CEBPZ: variants seen among roughly 807,000 people sequenced by gnomAD.
CEBPZ encodes the protein CCAAT/enhancer-binding protein zeta.
A neutral mutation model predicts 104.5 loss-of-function variants in CEBPZ; 78 were observed. The ratio of observed to expected loss-of-function variants is 0.75; its 90% CI spans 0.62 to 0.90. CEBPZ has a LOEUF of 0.90. Among genes scored for constraint, CEBPZ ranks in the 40% least tolerant of loss-of-function variants. The pLI, the probability that CEBPZ is intolerant of heterozygous loss-of-function variation, is 0.00. For missense variants in CEBPZ, 1,439 were observed against 1,233.5 expected (o/e 1.17, Z -2.50); for synonymous variants, 470 against 427.0 (o/e 1.10, Z -1.24).
At position 37,211,949 on chromosome 2, in the gene CEBPZ, G is replaced by A. The variant is rs375786270; in HGVS notation, c.2694C>T (p.Asp898=). The change falls in exon 12 of 16, where the codon GAC becomes GAT. Residue 898 remains aspartate, a synonymous_variant. Transcript: ENST00000234170. The stretch of plus-strand genomic sequence containing the variant: ...CCATACTTCCTAAAGAAACTTCATC[G>A]TCATCCAGGTTACCAAGTTCATCAT... The part of the protein sequence containing the change: ...GSDDELGNLD[D]DEVSLGSMDD... 64 of 1,613,402 alleles carry A rather than the reference G, an allele frequency of 4.0e-5. No homozygotes were observed. In the East Asian group the frequency reaches 5.1e-4, roughly 13 times the overall value.
intron 5 of CEBPZ, among the ~76,000 whole-genome samples, chr2:37,218,865 G>A (rs996064563): frequency 3.9e-5 from 6 of 152,012 alleles, no homozygotes; most frequent in South Asian, 2.1e-4. Context: ...GAACCTTCTC[G>A]TTTCAAAAAA....
In CEBPZ at chr2:37,231,549, G is replaced by T. The variant is rs751277275; in HGVS notation, c.19C>A (p.Pro7Thr). The change falls in exon 1 of 16, where the codon CCT becomes ACT. Residue 7 changes from proline to threonine, a missense_variant. Pro to Thr is a conservative substitution (Grantham distance 38). Coordinates refer to ENST00000234170, the MANE Select transcript of CEBPZ (RefSeq NM_005760.3). Reference protein sequence around the residue: MAAVKEPLEFHAKRPWR... With the variant: MAAVKETLEFHAKRPWR... ...GGCCGCTTGGCATGGAACTCCAAAG[G>T]CTCCTTGACTGCGGCCATGGCGGGC... 2 of 1,614,212 alleles carry T rather than the reference G, an allele frequency of 1.2e-6. No homozygotes were observed. Among genetic ancestry groups the T allele is most frequent in the East Asian group, 2.2e-5 (1 of 44,888 alleles).
In CEBPZ at chr2:37,211,272, C is replaced by G. The variant is rs139504436; in HGVS notation, c.2801-190G>C. ...AAAGACTCTAAGAATTGGCACAGTT[C>G]TAATATTTTGTGCAAGTACAAAATT... On this transcript the variant is annotated intron_variant, in intron 12 of 15. Transcript: ENST00000234170. 1.5e-3 allele frequency: 614 copies of G among 406,746 alleles called. 7 individuals carry two copies. In the East Asian group the frequency reaches 0.021, roughly 14 times the overall value. The allele number at this position is 406,746 out of a possible 1,614,324, so 25.2% of individuals were successfully genotyped here.
In CEBPZ at chr2:37,216,198, ATC is replaced by A. The variant is rs1171755202; in HGVS notation, c.2320_2321del (p.Asp774Ter). 1 of 1,612,360 alleles carries A rather than the reference ATC, an allele frequency of 6.2e-7. No individual in the cohort carries two copies. The highest frequency in any genetic ancestry group is 8.5e-7 in the Non-Finnish European group (1 of 1,179,130). Reference protein sequence around the residue: ...PKPHKGKENTDSVVMQPKRKH... With the variant: ...PKPHKGKENTXSVVMQPKRKH... The stretch of plus-strand genomic sequence containing the variant: ...TTCTTTTCGGCTGCATCACAACACT[ATC>A]TGTGTTTTCTGAAATGTAAAATTAT... On this transcript the variant is annotated frameshift_variant, in exon 8 of 16. Coordinates refer to ENST00000234170, the MANE Select transcript of CEBPZ (RefSeq NM_005760.3). LOFTEE classifies it high-confidence loss of function.
At position 37,228,501 on chromosome 2, in the gene CEBPZ, G is replaced by A; in HGVS notation, c.692C>T (p.Ser231Phe). ...CACAATTGCCTTCATCCAGGTAGAA[G>A]AGGCTCCCTTTTGACTATTCGTCTT... ...KSKTNSQKGA[S>F]STWMKAIVSS... is the part of the protein sequence containing the mutation. The change falls in exon 2 of 16, where the codon TCT becomes TTT. Residue 231 changes from serine (S) to phenylalanine (F), a missense_variant. Transcript: ENST00000234170. 6.2e-7 allele frequency: 1 copy of A among 1,614,202 alleles called. No homozygotes were observed. Among genetic ancestry groups the A allele is most frequent in the Non-Finnish European group, 8.5e-7 (1 of 1,180,038 alleles).
At chr2:37,218,889 A>G (rs1313593418) in intron 5 of CEBPZ, among the ~76,000 whole-genome samples, 1 of 152,180 alleles carries the variant, frequency 6.6e-6, no homozygotes, top group Non-Finnish European at 1.5e-5. Flanking sequence ...AATTTGTAAC[A>G]TTGTGCATTG....
At chr2:37,204,802 TA>T (rs1397243889) in intron 13 of CEBPZ, 1 of 152,256 alleles carries the variant, frequency 6.6e-6, no homozygotes, top group African/African-American at 2.4e-5. Context: ...CATCCAAAAC[TA>T]TTATCAATTG....
chr2:37,221,206 C>T (rs1323298137), intron 4 of CEBPZ, among the ~76,000 whole-genome samples: 1 of 149,380 alleles, frequency 6.7e-6, no homozygotes, highest in Non-Finnish European at 1.5e-5. Flanking sequence ...GTCCCGGCTA[C>T]CTGGGAGGCT....
intron 5 of CEBPZ, among the ~76,000 whole-genome samples, chr2:37,219,468 G>A (rs1164713031): frequency 6.6e-6 from 1 of 151,766 alleles, no homozygotes; most frequent in Non-Finnish European, 1.5e-5. Flanking sequence ...GCAGCTTGGT[G>A]CTGTCTTTAT....
chr2:37,216,121 G>A lies in CEBPZ; in HGVS notation c.2380+19C>T, dbSNP rs1310053781. Reference sequence around the variant, plus strand: ...TTATATTGTCTTTTCAGTTTCAACTGTCTAAGGTTTATACTTACCAGGAAG... The same window carrying A: ...TTATATTGTCTTTTCAGTTTCAACTATCTAAGGTTTATACTTACCAGGAAG... On this transcript the variant is annotated intron_variant, in intron 8 of 15. Coordinates refer to ENST00000234170, the MANE Select transcript of CEBPZ (RefSeq NM_005760.3). The A allele has an allele frequency of 6.3e-7, 1 of 1,577,226 alleles. No individual in the cohort carries two copies. Among genetic ancestry groups the A allele is most frequent in the Middle Eastern group, 2.1e-4 (1 of 4,678 alleles).
At chr2:37,202,678 A>AAAGAAT in intron 15 of CEBPZ, 106 bp downstream of exon 15, 1 of 205,274 alleles carries the variant, frequency 4.9e-6, no homozygotes. Flanking sequence ...AAAAAAAAAA[A>AAAGAAT]AAAAAAAAAA....
At chr2:37,212,204 A>C in intron 11 of CEBPZ, 131 bp downstream of exon 11, 1 of 982,954 alleles carries the variant, frequency 1.0e-6, no homozygotes, top group South Asian at 1.5e-5. Flanking sequence ...AGATGAAAGT[A>C]CTGTATCCAC....
At position 37,217,030 on chromosome 2, in the gene CEBPZ, A is replaced by G. The variant is rs373068216; in HGVS notation, c.2162T>C (p.Val721Ala). The G allele has an allele frequency of 2.5e-6, 4 of 1,612,192 alleles. No individual in the cohort carries two copies. The highest frequency in any genetic ancestry group is 1.6e-4 in the Middle Eastern group (1 of 6,062). ...AAGGGCCACGGAGGGATGAAAATGC[A>G]CAGATAACTAAAAAGAAAAATGTGA... ...TSLWELKKLS[V>A]HFHPSVALFA... Residue 721 changes from valine (V) to alanine (A), a missense_variant, in exon 6 of 16, where the codon GTG (valine) becomes GCG (alanine). Val to Ala is a moderately conservative substitution (Grantham distance 64). Coordinates refer to ENST00000234170, the MANE Select transcript of CEBPZ (RefSeq NM_005760.3).
chr2:37,210,336 G>T (rs2148346384), intron 13 of CEBPZ: 1 of 152,282 alleles, frequency 6.6e-6, no homozygotes, highest in East Asian at 1.9e-4. Flanking sequence ...ATTTATAGTA[G>T]CACAATCTGC....
chr2:37,214,155 T>G (rs1677808902), intron 9 of CEBPZ, among the ~76,000 whole-genome samples, 194 bp from the exon 10 acceptor site: 1 of 152,232 alleles, frequency 6.6e-6, no homozygotes. Flanking sequence ...TGGAATCTTT[T>G]AAGTGTAATA....
intron 4 of CEBPZ, 40 bp from the exon 5 acceptor site, chr2:37,220,513 C>A (rs1664747338): frequency 9.2e-7 from 1 of 1,084,672 alleles, no homozygotes; most frequent in Admixed American, 2.2e-5. Flanking sequence ...CAAATGCTTT[C>A]TTCCTAGCCC....
Position 37,227,780 on chromosome 2 carries a change from A to T in CEBPZ, c.1413T>A (p.Thr471=). 1 of 1,613,990 alleles carries T rather than the reference A, an allele frequency of 6.2e-7. No individual in the cohort carries two copies. Among genetic ancestry groups the T allele is most frequent in the East Asian group, 2.2e-5 (1 of 44,884 alleles). ...LITVYFCFFR[T]CVKKKDVESK... is the part of the protein sequence containing the mutation. ...ATTCAACATCTTTTTTTTTGACACA[A>T]GTCCGAAAAAAGCAAAAGTAAACAG... Residue 471 remains threonine, a synonymous_variant, in exon 2 of 16, where the codon ACT becomes ACA. Transcript: ENST00000234170.
rs1489643991 is a variant in CEBPZ, at chr2:37,231,341, G to A, written c.156+71C>T. On this transcript the variant is annotated intron_variant, in intron 1 of 15. Transcript: ENST00000234170. ...GCGCTCTACGCAGCGCGGAAGCGGC[G>A]GGGCAGTCAGCCTAGCCACCTTCGG... 7 of 1,588,586 alleles carry A rather than the reference G, an allele frequency of 4.4e-6. No individual in the cohort carries two copies. In the East Asian group the frequency reaches 1.1e-4, roughly 26 times the overall value.
intron 9 of CEBPZ, 30 bp from the exon 10 acceptor site, chr2:37,213,991 T>G (rs1461001604): frequency 1.6e-6 from 2 of 1,266,738 alleles, no homozygotes; most frequent in East Asian, 2.8e-5. Flanking sequence ...TATTTGACAA[T>G]TTTATTAAAG....
Sources: gnomAD v4.1 joint callset for allele counts (sites outside exome capture counted in the v4.1 genomes callset) on GRCh38, gnomAD v4.1.1 for gene constraint, MANE v1.5 for transcripts, NCBI Gene and HGNC (gene_info 2026-07-23, HGNC 2026-07-21) for gene names.